Variants in FAAH2 observed in about 807,000 individuals in gnomAD.
FAAH2 encodes fatty acid amide hydrolase 2, also known as fatty-acid amide hydrolase 2.
FAAH2 carries 60 observed loss-of-function variants against 36.9 expected under a neutral mutation model. That is an observed-to-expected ratio of 1.63 (90% CI 1.32 to 2.02). The LOEUF (loss-of-function observed/expected upper bound fraction) is 2.02. Among genes scored for constraint, FAAH2 ranks in the 30% most tolerant of loss-of-function variants. The pLI is 0.00. For missense variants in FAAH2, 689 were observed against 397.5 expected, an observed-to-expected ratio of 1.73 and a Z score of -6.23; for synonymous variants, 214 against 143.8, an observed-to-expected ratio of 1.49 and a Z score of -3.49.
At chrX:57,265,638 C>G in the FAAH2 span, among the ~76,000 whole-genome samples, 3 of 111,992 alleles carry the variant, frequency 2.7e-5, no homozygotes, top group Non-Finnish European at 5.6e-5. Flanking sequence ...TAACTCCCAA[C>G]CAAGGCCTGC....
chrX:57,312,391 G>A (rs2052719428), intron 3 of FAAH2, among the ~76,000 whole-genome samples: 1 of 111,908 alleles, frequency 8.9e-6, no homozygotes, highest in Non-Finnish European at 1.9e-5. Flanking sequence ...ATCCTATAGA[G>A]GCCAGGCACA....
intron 7 of FAAH2, among the ~76,000 whole-genome samples, chrX:57,418,479 C>T (rs958407115): frequency 6.3e-5 from 7 of 110,895 alleles, no homozygotes; most frequent in South Asian, 7.6e-4. Context: ...CTTGGCTAAG[C>T]GAGGGGGTTC....
intron 5 of FAAH2, among the ~76,000 whole-genome samples, chrX:57,361,327 T>C (rs1299151259): frequency 9.0e-6 from 1 of 111,191 alleles, no homozygotes; most frequent in Non-Finnish European, 1.9e-5. Flanking sequence ...TTTCTATTAA[T>C]TTAAGGTTTG....
At chrX:57,293,256 C>T (rs2052037858) in intron 2 of FAAH2, among the ~76,000 whole-genome samples, 1 of 111,485 alleles carries the variant, frequency 9.0e-6, no homozygotes, top group Admixed American at 9.6e-5. Context: ...CTAACTTAAT[C>T]ATTTTAAAAT....
chrX:57,340,800 A>T (rs1398894009), intron 4 of FAAH2, among the ~76,000 whole-genome samples: 1 of 110,681 alleles, frequency 9.0e-6, no homozygotes, highest in Non-Finnish European at 1.9e-5. Context: ...CTGTTGGGGG[A>T]TGTTGGGAGA....
chrX:57,373,516 T>G (rs2054601707), intron 5 of FAAH2, among the ~76,000 whole-genome samples: 1 of 111,540 alleles, frequency 9.0e-6, no homozygotes, highest in Non-Finnish European at 1.9e-5. Flanking sequence ...GTTGGCCATT[T>G]GTATATCTGC....
At chrX:57,481,214 A>T (rs992995574) in intron 10 of FAAH2, among the ~76,000 whole-genome samples, 3 of 110,507 alleles carry the variant, frequency 2.7e-5, no homozygotes, top group Non-Finnish European at 5.7e-5. Context: ...GGAGTTTGTT[A>T]TTACCTACAT....
intron 10 of FAAH2, among the ~76,000 whole-genome samples, chrX:57,460,834 C>T (rs1216927884): frequency 1.8e-5 from 2 of 111,582 alleles, no homozygotes; most frequent in Non-Finnish European, 3.8e-5. Flanking sequence ...GCTAAATGCC[C>T]CAATTAAAAG....
the FAAH2 span, among the ~76,000 whole-genome samples, chrX:57,139,533 G>A: frequency 8.1e-5 from 9 of 110,997 alleles, no homozygotes; most frequent in South Asian, 2.7e-3. Context: ...GGCTCACTGC[G>A]AGCTCCTTCT....
chrX:57,446,837 G>A, intron 8 of FAAH2, 91 bp from the exon 9 acceptor site: 1 of 517,335 alleles, frequency 1.9e-6, no homozygotes, highest in Non-Finnish European at 3.2e-6. Flanking sequence ...TGTTATGAAT[G>A]ATTATTCATA....
chrX:57,480,310 A>G (rs921184643), intron 10 of FAAH2, among the ~76,000 whole-genome samples: 1 of 111,934 alleles, frequency 8.9e-6, no homozygotes, highest in Admixed American at 9.5e-5. Flanking sequence ...ACACAACCAA[A>G]AAATAGAATT....
the FAAH2 span, among the ~76,000 whole-genome samples, chrX:57,242,206 G>A: frequency 1.1e-4 from 12 of 111,733 alleles, no homozygotes; most frequent in Admixed American, 1.1e-3. Context: ...ATACAAGAGA[G>A]CTCCAGCTGG....
chrX:57,462,866 A>T (rs2056984878), intron 10 of FAAH2, among the ~76,000 whole-genome samples: 1 of 112,000 alleles, frequency 8.9e-6, no homozygotes, highest in African/African-American at 3.2e-5. Context: ...AGGAAGTCAA[A>T]TTGTCTCTGT....
intron 3 of FAAH2, among the ~76,000 whole-genome samples, chrX:57,331,333 C>A (rs1224707437): frequency 1.8e-5 from 2 of 111,128 alleles, no homozygotes; most frequent in African/African-American, 6.5e-5. Context: ...TTGCTGGGAG[C>A]AAGGAGCAAG....
chrX:57,287,114 C>T (rs1336966427), intron 1 of FAAH2, 97 bp downstream of exon 1: 17 of 887,855 alleles, frequency 1.9e-5, no homozygotes, highest in Non-Finnish European at 2.4e-5. Flanking sequence ...TTTCCATTCT[C>T]TACTAGGGCG....
rs771441041 is a variant in FAAH2, at chrX:57,478,628, G to A, written c.1424-10129G>A. The stretch of plus-strand genomic sequence containing the variant: ...GGGTTTTTATGGTTTTAGGTGTAAC[G>A]TTTAAGTCTTTAATCCATCTTGAAT... On this transcript the variant is annotated intron_variant, in intron 10 of 10. Coordinates refer to ENST00000374900, the MANE Select transcript of FAAH2 (RefSeq NM_174912.4). 3.0e-3 allele frequency among the ~76,000 whole-genome samples: 332 copies of A among 111,639 alleles called. 3 individuals carry two copies. Among genetic ancestry groups the A allele is most frequent in the African/African-American group, 9.8e-3 (302 of 30,748 alleles).
the FAAH2 span, among the ~76,000 whole-genome samples, chrX:57,171,544 C>T: frequency 9.0e-6 from 1 of 111,150 alleles, no homozygotes; most frequent in Non-Finnish European, 1.9e-5. Flanking sequence ...GTTTCTTGGC[C>T]ATTTGTATAT....
At chrX:57,452,340 C>G in intron 10 of FAAH2, 3 of 752,658 alleles carry the variant, frequency 4.0e-6, no homozygotes, top group Non-Finnish European at 4.7e-6. Flanking sequence ...ATGCCACTCT[C>G]AAGAGTCCCT....
chrX:57,203,651 C>G, the FAAH2 span, among the ~76,000 whole-genome samples: 1 of 112,025 alleles, frequency 8.9e-6, no homozygotes, highest in Non-Finnish European at 1.9e-5. Flanking sequence ...ATTAATAACA[C>G]AATCATCATT....
Sources: allele counts gnomAD v4.1 joint callset (sites outside exome capture counted in the v4.1 genomes callset), GRCh38; gene constraint gnomAD v4.1.1; transcripts MANE v1.5; gene names NCBI Gene and HGNC (gene_info 2026-07-23, HGNC 2026-07-21).